SETBP1: variants seen among roughly 807,000 people sequenced by gnomAD.
SETBP1 encodes the protein SET-binding protein.
SETBP1 carries 9 observed loss-of-function variants against 101.0 expected under a neutral mutation model. The observed-to-expected ratio is 0.09, with a 90% CI of 0.05 to 0.16. The LOEUF (loss-of-function observed/expected upper bound fraction) is 0.16. SETBP1 is among the 10% of genes least tolerant of loss of function. The probability of loss-of-function intolerance (pLI) is 1.00; values close to 1 mark genes in which losing one functional copy is unlikely to be tolerated. For synonymous variants in SETBP1, 818 were observed against 788.5 expected, an observed-to-expected ratio of 1.04 and a Z score of -0.63; for missense variants, 1,858 against 2,033.8, an observed-to-expected ratio of 0.91 and a Z score of 1.66.
chr18:44,740,448 C>A (rs907968909), intron 2 of SETBP1, among the ~76,000 whole-genome samples: 4 of 152,108 alleles, frequency 2.6e-5, no homozygotes, highest in African/African-American at 9.7e-5. Flanking sequence ...TGATTCCTGC[C>A]CAACTTGCCT....
At chr18:44,726,932 C>T (rs947019304) in intron 2 of SETBP1, among the ~76,000 whole-genome samples, 2 of 152,100 alleles carry the variant, frequency 1.3e-5, no homozygotes, top group African/African-American at 4.8e-5. Flanking sequence ...ATTGATCTTA[C>T]CATCGTGAGG....
At chr18:44,972,606 G>A (rs184627905) in intron 4 of SETBP1, among the ~76,000 whole-genome samples, 182 of 152,252 alleles carry the variant, frequency 1.2e-3, no homozygotes, top group Non-Finnish European at 1.5e-3. Context: ...CTTGTAAGTT[G>A]GATTCCTAGG....
At chr18:44,745,875 A>G (rs1351228273) in intron 2 of SETBP1, among the ~76,000 whole-genome samples, 1 of 152,204 alleles carries the variant, frequency 6.6e-6, no homozygotes, top group Non-Finnish European at 1.5e-5. Context: ...GTAGTTGGTA[A>G]GAGGCGGGGT....
intron 2 of SETBP1, among the ~76,000 whole-genome samples, chr18:44,825,921 G>A (rs1057483719): frequency 3.3e-5 from 5 of 152,126 alleles, no homozygotes; most frequent in Non-Finnish European, 2.9e-5. Flanking sequence ...ACAGGATAAG[G>A]GAACTAATCT....
chr18:44,885,857 C>CAAAAAAAAAAAAAAAAAA (rs1555696149), intron 3 of SETBP1, among the ~76,000 whole-genome samples: 7 of 78,170 alleles, frequency 9.0e-5, no homozygotes, highest in South Asian at 4.2e-4. Context: ...AAAAAAAAAA[C>CAAAAAAAAAAAAAAAAAA]AAAAAAAAAA....
chr18:44,997,399 A>T (rs1328046540), intron 4 of SETBP1, among the ~76,000 whole-genome samples: 1 of 152,128 alleles, frequency 6.6e-6, no homozygotes, highest in Non-Finnish European at 1.5e-5. Context: ...TCTAATCCTT[A>T]AATACTGCAG....
chr18:44,875,300 C>A (rs547539088), intron 3 of SETBP1, among the ~76,000 whole-genome samples: 3 of 152,136 alleles, frequency 2.0e-5, no homozygotes, highest in African/African-American at 7.2e-5. Context: ...GCGGGTGGAT[C>A]ATGGGGTCAA....
intron 2 of SETBP1, among the ~76,000 whole-genome samples, chr18:44,797,585 C>G (rs921321142): frequency 6.6e-6 from 1 of 152,158 alleles, no homozygotes; most frequent in African/African-American, 2.4e-5. Flanking sequence ...GGTTCAGGAT[C>G]TCTTAGAATT....
At chr18:44,702,547 A>G (rs2069134622) in intron 2 of SETBP1, among the ~76,000 whole-genome samples, 1 of 152,254 alleles carries the variant, frequency 6.6e-6, no homozygotes, top group South Asian at 2.1e-4. Flanking sequence ...TGTCTGGGTC[A>G]GCTAAGCCAT....
chr18:45,040,881 G>A (rs887979125), intron 5 of SETBP1, among the ~76,000 whole-genome samples: 6 of 152,104 alleles, frequency 3.9e-5, no homozygotes, highest in African/African-American at 4.8e-5. Flanking sequence ...GTCCATTTCC[G>A]GGTCTCTGGC....
intron 4 of SETBP1, among the ~76,000 whole-genome samples, chr18:44,961,913 A>T (rs1367719238): frequency 6.6e-6 from 1 of 152,226 alleles, no homozygotes; most frequent in African/African-American, 2.4e-5. Flanking sequence ...TGTACAAAGG[A>T]TTATAGATGA....
chr18:44,902,835 G>A (rs1568208977), intron 3 of SETBP1, among the ~76,000 whole-genome samples: 1 of 151,860 alleles, frequency 6.6e-6, no homozygotes, highest in Non-Finnish European at 1.5e-5. Context: ...TGAAAATATG[G>A]ATCTCAAAAA....
chr18:44,891,930 G>A (rs1568203377), intron 3 of SETBP1, among the ~76,000 whole-genome samples: 1 of 151,980 alleles, frequency 6.6e-6, no homozygotes, highest in Non-Finnish European at 1.5e-5. Context: ...TTTTCTCAAA[G>A]GAGTTTGCAC....
intron 4 of SETBP1, among the ~76,000 whole-genome samples, chr18:44,993,923 T>G (rs1474474411): frequency 2.0e-5 from 3 of 152,066 alleles, no homozygotes; most frequent in African/African-American, 7.2e-5. Context: ...TTTGTCCTTT[T>G]AGAAAATATA....
intron 2 of SETBP1, among the ~76,000 whole-genome samples, chr18:44,708,238 C>T: frequency 6.6e-6 from 1 of 152,148 alleles, no homozygotes; most frequent in East Asian, 1.9e-4. Context: ...TCAGCACTTT[C>T]TCTGGTCACT....
intron 2 of SETBP1, among the ~76,000 whole-genome samples, chr18:44,717,027 A>C (rs2069483036): frequency 6.6e-6 from 1 of 152,164 alleles, no homozygotes; most frequent in South Asian, 2.1e-4. Context: ...CCACAACCGC[A>C]ATGTGATGTT....
chr18:44,961,001 G>T (rs1156844169), intron 4 of SETBP1, among the ~76,000 whole-genome samples: 1 of 152,210 alleles, frequency 6.6e-6, no homozygotes, highest in Non-Finnish European at 1.5e-5. Context: ...GGGAGTACAT[G>T]AACAGAATCC....
chr18:44,735,610 G>A (rs144961633), intron 2 of SETBP1, among the ~76,000 whole-genome samples: 4 of 152,288 alleles, frequency 2.6e-5, no homozygotes, highest in African/African-American at 2.4e-5. Context: ...CCTATGATAG[G>A]TGCTCCAGGG....
chr18:45,054,998 A>T (rs1436804369), intron 5 of SETBP1, among the ~76,000 whole-genome samples: 1 of 152,250 alleles, frequency 6.6e-6, no homozygotes, highest in Non-Finnish European at 1.5e-5. Flanking sequence ...GGGGAATATA[A>T]AGATGAATGC....
Sources: gnomAD v4.1 joint callset for allele counts (sites outside exome capture counted in the v4.1 genomes callset) on GRCh38, gnomAD v4.1.1 for gene constraint, MANE v1.5 for transcripts, NCBI Gene and HGNC (gene_info 2026-07-23, HGNC 2026-07-21) for gene names.